Variants in ACTN2 observed in about 807,000 individuals in gnomAD.
ACTN2 encodes the protein alpha-actinin-2.
In ACTN2, 39 loss-of-function variants were observed where a neutral mutation model predicts 113.8. The observed-to-expected ratio is 0.34, with a 90% CI of 0.27 to 0.45. ACTN2 has a LOEUF of 0.45. ACTN2 is among the 20% of genes least tolerant of loss of function. The probability of loss-of-function intolerance (pLI) is 1.00; values close to 1 mark genes in which losing one functional copy is unlikely to be tolerated. For missense variants in ACTN2, 992 were observed against 1,177.9 expected (o/e 0.84, Z 2.31); for synonymous variants, 429 against 444.1 (o/e 0.97, Z 0.43).
At chr1:236,707,141 A>G (rs556143142) in intron 1 of ACTN2, among the ~76,000 whole-genome samples, 5 of 152,378 alleles carry the variant, frequency 3.3e-5, no homozygotes, top group Non-Finnish European at 7.3e-5. Flanking sequence ...TTTCAATTGC[A>G]TGGGCAATAT....
chr1:236,715,834 T>C (rs1475920089), intron 1 of ACTN2, among the ~76,000 whole-genome samples: 1 of 152,178 alleles, frequency 6.6e-6, no homozygotes, highest in Non-Finnish European at 1.5e-5. Context: ...CAGGCACCTG[T>C]ATTCCTAGCT....
intron 4 of ACTN2, among the ~76,000 whole-genome samples, chr1:236,721,725 A>G (rs1448544093): frequency 2.0e-5 from 3 of 152,166 alleles, no homozygotes; most frequent in African/African-American, 7.2e-5. Flanking sequence ...AAACTGTTGA[A>G]CCCACTTTAA....
intron 8 of ACTN2, among the ~76,000 whole-genome samples, chr1:236,736,213 G>A (rs766574409): frequency 1.3e-5 from 2 of 152,214 alleles, no homozygotes; most frequent in Non-Finnish European, 2.9e-5. Flanking sequence ...CATTTCTCAA[G>A]ACAAATAGCC....
chr1:236,700,968 C>T (rs1657656568), intron 1 of ACTN2, among the ~76,000 whole-genome samples: 1 of 152,086 alleles, frequency 6.6e-6, no homozygotes, highest in African/African-American at 2.4e-5. Flanking sequence ...GCACAGTAGC[C>T]GGTGACCTTG....
intron 1 of ACTN2, among the ~76,000 whole-genome samples, chr1:236,707,575 A>G (rs893331035): frequency 2.0e-5 from 3 of 151,758 alleles, no homozygotes; most frequent in Non-Finnish European, 4.4e-5. Flanking sequence ...TCTTCTTTGT[A>G]TTTCTATGGC....
intron 17 of ACTN2, among the ~76,000 whole-genome samples, chr1:236,755,792 T>G (rs369957217): frequency 0.036 from 810 of 22,768 alleles, 5 homozygotes; most frequent in East Asian, 0.12. Flanking sequence ...TACTGCAGAG[T>G]GCCCGCTGCC....
chr1:236,739,585 C>G, intron 10 of ACTN2, 53 bp downstream of exon 10: 3 of 1,591,624 alleles, frequency 1.9e-6, no homozygotes, highest in Non-Finnish European at 2.6e-6. Context: ...CTCCTTCTAG[C>G]CTAAAGGCGT....
intron 1 of ACTN2, among the ~76,000 whole-genome samples, chr1:236,694,159 T>C (rs1310573670): frequency 1.3e-5 from 2 of 151,968 alleles, no homozygotes; most frequent in Non-Finnish European, 2.9e-5. Context: ...CTCTTCTCTG[T>C]AGGTCCCTGT....
At chr1:236,737,936 A>C (rs1432196970) in intron 9 of ACTN2, among the ~76,000 whole-genome samples, 2 of 152,216 alleles carry the variant, frequency 1.3e-5, no homozygotes, top group Non-Finnish European at 2.9e-5. Flanking sequence ...CCTCCTCTCT[A>C]AATTGGACTC....
In ACTN2 at chr1:236,751,556, G is replaced by A. The variant is rs746744188; in HGVS notation, c.1743G>A (p.Glu581=). 1.2e-6 allele frequency: 2 copies of A among 1,614,108 alleles called. No homozygotes were observed. The highest frequency in any genetic ancestry group is 1.7e-6 in the Non-Finnish European group (2 of 1,180,000). ...AGTCCATCATGGCCATCCAGAACGAGGTGGAGAAGGTGATTCAGAGCTACA... is the reference window on the plus strand; with the variant it reads ...AGTCCATCATGGCCATCCAGAACGAAGTGGAGAAGGTGATTCAGAGCTACA... ...ERQSIMAIQN[E]VEKVIQSYNI... is the part of the protein sequence containing the mutation. Residue 581 remains glutamate (E), a synonymous_variant, in exon 15 of 21, where the codon GAG becomes GAA. Coordinates refer to ENST00000366578, the MANE Select transcript of ACTN2 (RefSeq NM_001103.4).
chr1:236,712,563 G>A (rs114914058), intron 1 of ACTN2, among the ~76,000 whole-genome samples: 349 of 152,312 alleles, frequency 2.3e-3, no homozygotes, highest in African/African-American at 8.0e-3. Flanking sequence ...AGGAGGCTGA[G>A]GTGGGAGGAT....
intron 5 of ACTN2, 76 bp from the exon 6 acceptor site, chr1:236,727,601 AT>A: frequency 1.3e-6 from 2 of 1,494,764 alleles, no homozygotes; most frequent in Non-Finnish European, 1.9e-6. Context: ...GAAGGCCAAC[AT>A]CTGACTGAGT....
chr1:236,699,283 T>G (rs773937771), intron 1 of ACTN2, among the ~76,000 whole-genome samples: 1 of 152,218 alleles, frequency 6.6e-6, no homozygotes, highest in Non-Finnish European at 1.5e-5. Flanking sequence ...AATTTTTTAA[T>G]TTCTAAACTG....
At chr1:236,762,324 A>T in intron 20 of ACTN2, 137 bp from the exon 21 acceptor site, 1 of 1,168,956 alleles carries the variant, frequency 8.6e-7, no homozygotes, top group Non-Finnish European at 1.2e-6. Context: ...GTTGTCTGGT[A>T]CTACTATGCC....
chr1:236,722,602 TCCAG>T (rs1339587108), intron 4 of ACTN2, among the ~76,000 whole-genome samples: 1 of 124,198 alleles, frequency 8.1e-6, no homozygotes, highest in East Asian at 2.4e-4. Flanking sequence ...ACCACTGCAC[TCCAG>T]CCTGGGTAAC....
intron 12 of ACTN2, 130 bp from the exon 13 acceptor site, chr1:236,747,537 C>G (rs1659272243): frequency 1.3e-6 from 1 of 796,618 alleles, no homozygotes; most frequent in South Asian, 1.5e-5. Flanking sequence ...AGCCCACTCT[C>G]TATGTCCATG....
At chr1:236,715,242 G>T (rs1658151179) in intron 1 of ACTN2, among the ~76,000 whole-genome samples, 1 of 149,946 alleles carries the variant, frequency 6.7e-6, no homozygotes, top group Admixed American at 6.7e-5. Context: ...GTGCCATGTT[G>T]GTGTGCTGCA....
chr1:236,740,314 A>G (rs964115381), intron 10 of ACTN2, among the ~76,000 whole-genome samples: 4 of 151,726 alleles, frequency 2.6e-5, no homozygotes, highest in Admixed American at 6.6e-5. Context: ...GGGTTTCACC[A>G]TGTTGGTCAG....
intron 17 of ACTN2, 79 bp downstream of exon 17, chr1:236,755,277 C>T: frequency 6.6e-7 from 1 of 1,521,934 alleles, no homozygotes; most frequent in Non-Finnish European, 9.1e-7. Context: ...TCTTCATGCA[C>T]TTGTCTTTCT....
Sources: gnomAD v4.1 joint callset for allele counts (sites outside exome capture counted in the v4.1 genomes callset) on GRCh38, gnomAD v4.1.1 for gene constraint, MANE v1.5 for transcripts, NCBI Gene and HGNC (gene_info 2026-07-23, HGNC 2026-07-21) for gene names.